Variants in NELL2 observed in about 807,000 individuals in gnomAD.
NELL2 encodes the protein neural EGFL like 2, also known as protein kinase C-binding protein NELL2.
In NELL2, 41 loss-of-function variants were observed where a neutral mutation model predicts 109.6. The observed-to-expected ratio is 0.37, with a 90% confidence interval of 0.29 to 0.49. NELL2 has a LOEUF of 0.49. NELL2 is among the 20% of genes least tolerant of loss of function. The pLI, the probability that NELL2 is intolerant of heterozygous loss-of-function variation, is 0.98. For synonymous variants in NELL2, 355 were observed against 344.7 expected (o/e 1.03, Z -0.33); for missense variants, 900 against 1,008.3 (o/e 0.89, Z 1.45).
At chr12:44,859,048 T>C (rs925400613) in intron 2 of NELL2, among the ~76,000 whole-genome samples, 2 of 152,230 alleles carry the variant, frequency 1.3e-5, no homozygotes, top group African/African-American at 4.8e-5. Context: ...ATATATAGAC[T>C]AGGATACAAT....
At chr12:44,580,670 G>A (rs905544296) in intron 15 of NELL2, among the ~76,000 whole-genome samples, 2 of 152,066 alleles carry the variant, frequency 1.3e-5, no homozygotes, top group Non-Finnish European at 2.9e-5. Context: ...CCAAAATCGC[G>A]CTACTGCACT....
At chr12:44,649,111 G>A (rs1046478743) in intron 13 of NELL2, among the ~76,000 whole-genome samples, 2 of 151,924 alleles carry the variant, frequency 1.3e-5, no homozygotes, top group Non-Finnish European at 2.9e-5. Context: ...ATTCTTTGAT[G>A]TATAATCTTG....
chr12:44,670,518 T>C (rs987916113), intron 12 of NELL2, among the ~76,000 whole-genome samples: 1 of 150,564 alleles, frequency 6.6e-6, no homozygotes, highest in Non-Finnish European at 1.5e-5. Context: ...TTAAAAGATA[T>C]AAAACAGCTG....
At chr12:44,846,129 C>T (rs1459707472) in intron 2 of NELL2, among the ~76,000 whole-genome samples, 1 of 152,180 alleles carries the variant, frequency 6.6e-6, no homozygotes, top group Admixed American at 6.5e-5. Context: ...CTTGGCCATG[C>T]ACATGGTTTA....
At chr12:44,825,372 A>G (rs1421608476) in intron 2 of NELL2, among the ~76,000 whole-genome samples, 1 of 144,960 alleles carries the variant, frequency 6.9e-6, no homozygotes, top group East Asian at 2.0e-4. Context: ...ATTATAAATC[A>G]TATTGTTTTA....
At chr12:44,682,728 C>T (rs997512628) in intron 12 of NELL2, among the ~76,000 whole-genome samples, 11 of 152,084 alleles carry the variant, frequency 7.2e-5, no homozygotes, top group African/African-American at 2.4e-4. Context: ...CAGATAGTTG[C>T]AGATATGCGG....
rs145094061 is a variant in NELL2, at chr12:44,759,099, C to T, written c.994+15648G>A. Among the ~76,000 whole-genome samples the T allele has an allele frequency of 7.4e-3, 1,121 of 152,296 alleles. 13 individuals carry two copies. The highest frequency in any genetic ancestry group is 0.025 in the African/African-American group (1,036 of 41,554). On this transcript the variant is annotated intron_variant, in intron 9 of 19. Coordinates refer to ENST00000429094, the MANE Select transcript of NELL2 (RefSeq NM_001145108.2). ...CAATGAAGGCCACCATACTTCCTATCTTGTTACTCTTGGGTATGACTACCC... is the reference window on the plus strand; with the variant it reads ...CAATGAAGGCCACCATACTTCCTATTTTGTTACTCTTGGGTATGACTACCC...
At chr12:44,732,962 A>C (rs941321645) in intron 9 of NELL2, among the ~76,000 whole-genome samples, 3 of 152,040 alleles carry the variant, frequency 2.0e-5, no homozygotes, top group African/African-American at 7.2e-5. Context: ...TAACATCACT[A>C]ATTATCAGAA....
At chr12:44,515,577 A>G (rs535536727) in intron 19 of NELL2, among the ~76,000 whole-genome samples, 1 of 152,068 alleles carries the variant, frequency 6.6e-6, no homozygotes, top group East Asian at 1.9e-4. Context: ...TGATTTATCA[A>G]ACTCATCAAA....
At chr12:44,780,631 C>A (rs2136600570) in intron 3 of NELL2, among the ~76,000 whole-genome samples, 1 of 152,008 alleles carries the variant, frequency 6.6e-6, no homozygotes, top group East Asian at 1.9e-4. Flanking sequence ...GGAGCCTGGA[C>A]TTCCATCTCA....
intron 12 of NELL2, among the ~76,000 whole-genome samples, chr12:44,698,753 C>G (rs1259484392): frequency 1.3e-5 from 2 of 152,248 alleles, no homozygotes; most frequent in Non-Finnish European, 2.9e-5. Context: ...CATCAATTAC[C>G]AATTTTTATA....
chr12:44,594,067 A>G (rs768210308), intron 15 of NELL2, among the ~76,000 whole-genome samples: 2 of 151,108 alleles, frequency 1.3e-5, no homozygotes, highest in South Asian at 4.2e-4. Flanking sequence ...TCACTCATTT[A>G]TGTGGCGGGG....
At chr12:44,694,520 A>AACACAC (rs60024794) in intron 12 of NELL2, among the ~76,000 whole-genome samples, 15,027 of 144,172 alleles carry the variant, frequency 0.1, 911 homozygotes, top group Non-Finnish European at 0.14. Context: ...CACACATACA[A>AACACAC]ACACACACAC....
At chr12:44,649,762 C>T (rs563818203) in intron 13 of NELL2, among the ~76,000 whole-genome samples, 2 of 152,274 alleles carry the variant, frequency 1.3e-5, no homozygotes, top group East Asian at 3.9e-4. Flanking sequence ...TGACTACAAA[C>T]AAAGAAATCA....
intron 2 of NELL2, among the ~76,000 whole-genome samples, chr12:44,817,736 C>T (rs1159262276): frequency 6.6e-6 from 1 of 152,194 alleles, no homozygotes; most frequent in Non-Finnish European, 1.5e-5. Context: ...GAGACACCTG[C>T]TGTTTCCATC....
chr12:44,801,748 A>G (rs558230681), intron 3 of NELL2, among the ~76,000 whole-genome samples: 1 of 152,288 alleles, frequency 6.6e-6, no homozygotes, highest in African/African-American at 2.4e-5. Context: ...AACCCTTGCA[A>G]TGAAGGGAAA....
At chr12:44,645,641 A>T (rs1374085543) in intron 13 of NELL2, among the ~76,000 whole-genome samples, 1 of 152,158 alleles carries the variant, frequency 6.6e-6, no homozygotes, top group Non-Finnish European at 1.5e-5. Context: ...ATAGAATTTC[A>T]TATTATCTAA....
At chr12:44,876,799 G>T (rs947812642), upstream of NELL2, 139 of 1,377,446 alleles carry the variant, frequency 1.0e-4, no homozygotes, top group Non-Finnish European at 1.2e-4. Flanking sequence ...GCGGAGGAAG[G>T]CCACCAAAAC....
At position 44,778,575 on chromosome 12, in the gene NELL2, C is replaced by T. The variant is rs545528687; in HGVS notation, c.606+1088G>A. On this transcript the variant is annotated intron_variant, in intron 5 of 19. Transcript: ENST00000429094. ...TTAGGCTCCATGGGAAGGACTGTCA[C>T]GATTAAATAGAGATGAGATTTGGGA... is the stretch of plus-strand genomic sequence containing the variant. Among the ~76,000 whole-genome samples the T allele has an allele frequency of 7.9e-5, 12 of 152,228 alleles. No homozygotes were observed. In the South Asian group the frequency reaches 1.0e-3, roughly 13 times the overall value.
Sources: gnomAD v4.1 joint callset for allele counts (sites outside exome capture counted in the v4.1 genomes callset) on GRCh38, gnomAD v4.1.1 for gene constraint, MANE v1.5 for transcripts, NCBI Gene and HGNC (gene_info 2026-07-23, HGNC 2026-07-21) for gene names.